CFLAR: variants seen among roughly 807,000 people sequenced by gnomAD.
The protein encoded by CFLAR is CASP8 and FADD-like apoptosis regulator.
Under a neutral mutation model 51.1 loss-of-function variants are expected in CFLAR, and 14 were observed. The observed-to-expected ratio is 0.27, with a 90% confidence interval of 0.18 to 0.43. The LOEUF (loss-of-function observed/expected upper bound fraction) is 0.43, where lower values mean the gene tolerates loss of function less well. Among genes scored for constraint, CFLAR ranks in the 20% least tolerant of loss-of-function variants. The probability of loss-of-function intolerance (pLI) is 1.00; values close to 1 mark genes in which losing one functional copy is unlikely to be tolerated. For missense variants in CFLAR, 390 were observed against 566.5 expected (o/e 0.69, Z 3.16); for synonymous variants, 210 against 211.6 (o/e 0.99, Z 0.06).
intron 1 of CFLAR, among the ~76,000 whole-genome samples, chr2:201,122,188 A>C (rs944638500): frequency 1.3e-5 from 2 of 152,230 alleles, no homozygotes; most frequent in Non-Finnish European, 2.9e-5. Context: ...TGAGTTCCAA[A>C]CATCCCCTTG....
At chr2:201,130,187 G>GTGGGGGGGGGGGGGGGGGGGCC in intron 2 of CFLAR, 41 bp downstream of exon 2, 1 of 292,394 alleles carries the variant, frequency 3.4e-6, no homozygotes, top group Non-Finnish European at 7.1e-6. Flanking sequence ...GGGTGGGAGG[G>GTGGGGGGGGGGGGGGGGGGGCC]AGTGAAGTGT....
At position 201,120,303 on chromosome 2, in the gene CFLAR, A is replaced by C. The variant is rs915185756; in HGVS notation, c.-138+3822A>C. On this transcript the variant is annotated intron_variant, in intron 1 of 9. Transcript: ENST00000309955. ...TGGGTTCAAGTGATTCTCCTGTGAA[A>C]ATTGCTTCCTTTTCTACACTTGTTC... Among the ~76,000 whole-genome samples the C allele has an allele frequency of 2.0e-5, 3 of 151,938 alleles. No individual in the cohort carries two copies. In the East Asian group the frequency reaches 5.8e-4, roughly 29 times the overall value.
At position 201,124,605 on chromosome 2, in the gene CFLAR, G is replaced by A. The variant is rs2048505686; in HGVS notation, c.-137-5124G>A. Among the ~76,000 whole-genome samples the A allele has an allele frequency of 6.6e-6, 1 of 152,204 alleles. No individual in the cohort carries two copies. The highest frequency in any genetic ancestry group is 2.4e-5 in the African/African-American group (1 of 41,452). ...CCGCCTTGGCCTCCCAAAGTGCTGG[G>A]ATTACAGGTGTGAGCCACCGCGCCT... On this transcript the variant is annotated intron_variant, in intron 1 of 9. Transcript: ENST00000309955. This position sits in a 1 kb window ranked among gnomAD's most constrained non-coding sequence, Gnocchi z 4.7.
rs1464698381 is a variant in CFLAR, at chr2:201,172,894, G to A, written c.*8921G>A. ...ATTTTTATATGGATATATGTTTTCA[G>A]TTCTTCTGGGCATATACCTTAGAAG... On this transcript the variant is annotated 3_prime_UTR_variant, in exon 10 of 10. Coordinates refer to ENST00000309955, the MANE Select transcript of CFLAR (RefSeq NM_003879.7). 6.6e-6 allele frequency: 1 copy of A among 152,166 alleles called. No homozygotes were observed. The highest frequency in any genetic ancestry group is 1.5e-5 in the Non-Finnish European group (1 of 68,030). 9.4% of individuals were successfully genotyped at this position (152,166 alleles called of 1,614,324 possible).
At chr2:201,150,841 G>A (rs1352892544) in intron 8 of CFLAR, among the ~76,000 whole-genome samples, 1 of 152,152 alleles carries the variant, frequency 6.6e-6, no homozygotes, top group Non-Finnish European at 1.5e-5. Context: ...TGTGTCAGGA[G>A]GAAATGAAAT....
At chr2:201,129,349 G>C (rs987442319) in intron 1 of CFLAR, 1 of 164,422 alleles carries the variant, frequency 6.1e-6, no homozygotes, top group Non-Finnish European at 1.3e-5. Context: ...TCTGTCGTTG[G>C]GCTTTTCCCA....
Position 201,164,729 on chromosome 2 carries a change from T to C in CFLAR, c.*756T>C, listed in dbSNP as rs1943378529. 1 of 152,216 alleles carries C rather than the reference T, an allele frequency of 6.6e-6. No individual in the cohort carries two copies. The highest frequency in any genetic ancestry group is 2.4e-5 in the African/African-American group (1 of 41,462). 9.4% of individuals were successfully genotyped at this position (152,216 alleles called of 1,614,324 possible). A position where few individuals can be genotyped will look rare whatever the true frequency, so the allele number is the denominator to read the frequency against. The stretch of plus-strand genomic sequence containing the variant: ...CTTTGCATCCTTCTATTCAATCAAG[T>C]TGATACTCAGTATTAACCATCACAG... On this transcript the variant is annotated 3_prime_UTR_variant, in exon 10 of 10. Coordinates refer to ENST00000309955, the MANE Select transcript of CFLAR (RefSeq NM_003879.7).
chr2:201,122,882 G>GTGGGA (rs1304288006), intron 1 of CFLAR: 1 of 152,178 alleles, frequency 6.6e-6, no homozygotes, highest in Admixed American at 6.5e-5. Context: ...TTGGGCTGAA[G>GTGGGA]TGGGGATGAT....
chr2:201,125,158 G>A (rs1295358408), intron 1 of CFLAR, among the ~76,000 whole-genome samples: 2 of 152,184 alleles, frequency 1.3e-5, no homozygotes, highest in African/African-American at 4.8e-5. Flanking sequence ...TTTAAATAAA[G>A]ACAGCGTCAG....
intron 1 of CFLAR, among the ~76,000 whole-genome samples, chr2:201,119,462 T>G (rs886585424): frequency 6.6e-6 from 1 of 152,180 alleles, no homozygotes; most frequent in Non-Finnish European, 1.5e-5. Context: ...TTTATTTGTT[T>G]GTTTGTTTTG....
intron 6 of CFLAR, 42 bp from the exon 7 acceptor site, chr2:201,148,961 C>T: frequency 6.9e-7 from 1 of 1,442,682 alleles, no homozygotes; most frequent in Non-Finnish European, 9.8e-7. Flanking sequence ...GGACTTAGCT[C>T]TCCTTCAGCT....
At chr2:201,127,171 A>T (rs1187716476) in intron 1 of CFLAR, among the ~76,000 whole-genome samples, 1 of 152,176 alleles carries the variant, frequency 6.6e-6, no homozygotes. Context: ...TGGTATCTTG[A>T]TCAGTCAGGA....
rs1943848079 is a variant in CFLAR, at chr2:201,169,063, TC to T, written c.*5093del. The T allele has an allele frequency of 6.6e-6, 1 of 152,116 alleles. No homozygotes were observed. Among genetic ancestry groups the T allele is most frequent in the African/African-American group, 2.4e-5 (1 of 41,424 alleles). The allele number at this position is 152,116 out of a possible 1,614,324, so 9.4% of individuals were successfully genotyped here. On this transcript the variant is annotated 3_prime_UTR_variant, in exon 10 of 10. Coordinates refer to ENST00000309955, the MANE Select transcript of CFLAR (RefSeq NM_003879.7). ...AAGTAATTTATAGGTTCATTGCTAT[TC>T]CCATTAAACTACTATTGACATTCTT...
At chr2:201,163,400 G>A in intron 9 of CFLAR, 2 of 1,137,714 alleles carry the variant, frequency 1.8e-6, no homozygotes, top group Non-Finnish European at 2.2e-6. Flanking sequence ...CCTGTCAAAT[G>A]CATTCTGGGC....
At chr2:201,139,003 G>A (rs1937637817) in intron 4 of CFLAR, 1 of 507,180 alleles carries the variant, frequency 2.0e-6, no homozygotes, top group African/African-American at 1.9e-5. Flanking sequence ...GCTGCACGGT[G>A]TGGGGAAAAG....
chr2:201,143,711 C>G (rs1939486395), intron 5 of CFLAR, among the ~76,000 whole-genome samples: 1 of 152,090 alleles, frequency 6.6e-6, no homozygotes, highest in Admixed American at 6.6e-5. Flanking sequence ...CACCTGTAAT[C>G]CCAGCACTTT....
intron 2 of CFLAR, among the ~76,000 whole-genome samples, chr2:201,131,243 C>CTT (rs113148448): frequency 6.8e-5 from 10 of 146,498 alleles, no homozygotes; most frequent in African/African-American, 2.2e-4. Flanking sequence ...TTGGTGTTTT[C>CTT]TTTTTTTTTT....
intron 5 of CFLAR, chr2:201,141,376 GATAA>G: frequency 1.9e-6 from 3 of 1,557,586 alleles, no homozygotes; most frequent in Non-Finnish European, 2.6e-6. Context: ...TTCTACAGAT[GATAA>G]CACCCTATGC....
At chr2:201,134,201 AGGAGGTGAAGGCAGG>A (rs1333374505) in intron 3 of CFLAR, among the ~76,000 whole-genome samples, 1 of 151,824 alleles carries the variant, frequency 6.6e-6, no homozygotes, top group African/African-American at 2.4e-5. Context: ...TCCCAGCTAC[AGGAGGTGAAGGCAGG>A]AGAATCACTT....
Sources: allele counts gnomAD v4.1 joint callset (sites outside exome capture counted in the v4.1 genomes callset), GRCh38; gene constraint gnomAD v4.1.1; non-coding constraint Gnocchi (gnomAD v3.1); transcripts MANE v1.5; gene names NCBI Gene and HGNC (gene_info 2026-07-23, HGNC 2026-07-21).